Variants in PDE1C observed in about 807,000 individuals in gnomAD.
PDE1C encodes dual specificity calcium/calmodulin-dependent 3',5'-cyclic nucleotide phosphodiesterase 1C.
In PDE1C, 62 loss-of-function variants were observed where a neutral mutation model predicts 93.1. That is an observed-to-expected ratio of 0.67 (90% confidence interval 0.54 to 0.82). PDE1C has a LOEUF of 0.82. Among genes scored for constraint, PDE1C ranks in the 40% least tolerant of loss-of-function variants. The pLI is 0.00. For missense variants in PDE1C, 742 were observed against 884.6 expected, an observed-to-expected ratio of 0.84 and a Z score of 2.04; for synonymous variants, 325 against 310.1, an observed-to-expected ratio of 1.05 and a Z score of -0.50.
rs570352092 is a variant in PDE1C at position 32,403,463 on chromosome 7, A to G, written c.310+24359T>C. Reference sequence around the variant, plus strand: ...TCCACATTGGATCCTGGGCAGTGAGAGCGGGCAGGGTGTATGTTAAGGCTT... The same window carrying G: ...TCCACATTGGATCCTGGGCAGTGAGGGCGGGCAGGGTGTATGTTAAGGCTT... On this transcript the variant is annotated intron_variant, in intron 1 of 1. Coordinates refer to the PDE1C transcript ENST00000672256. 2.0e-5 allele frequency among the ~76,000 whole-genome samples: 3 copies of G among 152,266 alleles called. No homozygotes were observed. The East Asian group carries it at 5.8e-4, about 29-fold the overall frequency.
chr7:32,086,277 C>T (rs1429566402), intron 3 of PDE1C, among the ~76,000 whole-genome samples: 2 of 151,116 alleles, frequency 1.3e-5, no homozygotes, highest in African/African-American at 2.4e-5. Flanking sequence ...GAATAAAATA[C>T]CTAGGAATCC....
In PDE1C at chr7:32,093,109, A is replaced by G. The variant is rs76095724; in HGVS notation, c.308+76676T>C. Among the ~76,000 whole-genome samples, 4 of 152,348 alleles carry G rather than the reference A, an allele frequency of 2.6e-5. No individual in the cohort carries two copies. The East Asian group carries it at 7.7e-4, about 29-fold the overall frequency. The stretch of plus-strand genomic sequence containing the variant: ...ATCACCCTATCTGTCTCATTAAACT[A>G]AAGTATGCACATAGAAAGTGCAGTC... On this transcript the variant is annotated intron_variant, in intron 3 of 18. Coordinates refer to the PDE1C transcript ENST00000396193.
At chr7:32,391,303 A>G (rs571230464) in intron 1 of PDE1C, among the ~76,000 whole-genome samples, 3 of 152,218 alleles carry the variant, frequency 2.0e-5, no homozygotes, top group South Asian at 4.1e-4. Flanking sequence ...AATCAAGAAG[A>G]TATAGCAATT....
At chr7:31,695,874 G>A in the PDE1C span, 1 of 296,950 alleles carries the variant, frequency 3.4e-6, no homozygotes, top group Admixed American at 5.1e-5. Context: ...GAGGAGGCAA[G>A]CTCTGCTTCA....
intron 1 of PDE1C, among the ~76,000 whole-genome samples, chr7:32,238,514 T>A (rs1238081426): frequency 6.6e-6 from 1 of 152,204 alleles, no homozygotes; most frequent in African/African-American, 2.4e-5. Context: ...AAATCAAAAT[T>A]CCAACAAAGG....
At chr7:32,284,427 G>T (rs928978665) in intron 1 of PDE1C, among the ~76,000 whole-genome samples, 4 of 152,184 alleles carry the variant, frequency 2.6e-5, no homozygotes, top group African/African-American at 9.7e-5. Flanking sequence ...AAAACTCTTA[G>T]CCTAGTACCT....
At chr7:31,819,858 G>GA (rs36031384) in intron 14 of PDE1C, among the ~76,000 whole-genome samples, 20,326 of 151,926 alleles carry the variant, frequency 0.13, 1,709 homozygotes, top group Middle Eastern at 0.22. Flanking sequence ...GAAAGAGAGA[G>GA]AAAAAACAGA....
chr7:31,964,771 C>A (rs1048140710), intron 2 of PDE1C, among the ~76,000 whole-genome samples: 1 of 152,160 alleles, frequency 6.6e-6, no homozygotes, highest in Non-Finnish European at 1.5e-5. Context: ...TCTAGAGGAA[C>A]GATCAGGCAG....
chr7:32,133,128 C>A (rs1023339371), intron 3 of PDE1C, among the ~76,000 whole-genome samples: 1 of 151,934 alleles, frequency 6.6e-6, no homozygotes, highest in Non-Finnish European at 1.5e-5. Context: ...GGTGAGGGTG[C>A]AGGTGGGATG....
the PDE1C span, chr7:31,651,963 G>A: frequency 1.6e-5 from 26 of 1,601,708 alleles, no homozygotes; most frequent in Middle Eastern, 1.7e-4. Context: ...AACTGCAAAC[G>A]TTACGTGAGG....
chr7:31,864,827 G>C, intron 7 of PDE1C, 115 bp downstream of exon 7: 1 of 951,920 alleles, frequency 1.1e-6, no homozygotes, highest in South Asian at 1.7e-5. Flanking sequence ...GAAACAGGAA[G>C]TCCATAAAAC....
At chr7:32,137,670 A>G (rs1800287312) in intron 3 of PDE1C, among the ~76,000 whole-genome samples, 1 of 152,248 alleles carries the variant, frequency 6.6e-6, no homozygotes, top group South Asian at 2.1e-4. Context: ...TATTTGTTAT[A>G]CAATTTATTC....
intron 3 of PDE1C, among the ~76,000 whole-genome samples, chr7:32,168,461 AG>A (rs1178832591): frequency 1.3e-5 from 2 of 152,186 alleles, no homozygotes; most frequent in Non-Finnish European, 2.9e-5. Context: ...ACCCTGGTTT[AG>A]GGTGGAAGGA....
intron 3 of PDE1C, among the ~76,000 whole-genome samples, chr7:32,084,138 G>A (rs372701169): frequency 2.0e-5 from 3 of 152,062 alleles, no homozygotes; most frequent in Non-Finnish European, 2.9e-5. Context: ...ATAGGCTCAA[G>A]ATAAAAGGAT....
At position 31,894,531 on chromosome 7, in the gene PDE1C, G is replaced by A. The variant is rs543828964; in HGVS notation, c.129-13671C>T. On this transcript the variant is annotated intron_variant, in intron 2 of 17. Coordinates refer to ENST00000396191, the MANE Select transcript of PDE1C (RefSeq NM_001191057.4). ...TCTGCACCAAGCCATGTCTGTGTGT[G>A]ACTTTTGGCTCTGGGCTATTTGCTA... 5.3e-5 allele frequency among the ~76,000 whole-genome samples: 8 copies of A among 152,324 alleles called. No homozygotes were observed. The South Asian group carries it at 1.7e-3, about 32-fold the overall frequency.
intron 3 of PDE1C, among the ~76,000 whole-genome samples, chr7:32,129,286 A>T (rs954523121): frequency 2.6e-5 from 4 of 151,872 alleles, no homozygotes; most frequent in Admixed American, 2.6e-4. Context: ...TGCAAAGAGA[A>T]GATTATCAGG....
At chr7:32,194,309 C>T (rs1231853966) in intron 2 of PDE1C, among the ~76,000 whole-genome samples, 1 of 152,172 alleles carries the variant, frequency 6.6e-6, no homozygotes. Context: ...TTGATATCTG[C>T]ATGGTCTGTG....
chr7:32,261,340 A>G (rs1286741993), intron 1 of PDE1C, among the ~76,000 whole-genome samples: 1 of 152,120 alleles, frequency 6.6e-6, no homozygotes, highest in Non-Finnish European at 1.5e-5. Context: ...AAACAGCAAG[A>G]AAATCTCACT....
At chr7:31,652,417 A>C in the PDE1C span, 28 of 1,463,144 alleles carry the variant, frequency 1.9e-5, no homozygotes, top group African/African-American at 3.3e-4. Context: ...CCCATTCTAG[A>C]GAATCGACCA....
Sources: gnomAD v4.1 joint callset for allele counts (sites outside exome capture counted in the v4.1 genomes callset) on GRCh38, gnomAD v4.1.1 for gene constraint, MANE v1.5 for transcripts, NCBI Gene and HGNC (gene_info 2026-07-23, HGNC 2026-07-21) for gene names.